Variants in IL1RAPL2 observed in about 807,000 individuals in gnomAD.
The protein encoded by IL1RAPL2 is X-linked interleukin-1 receptor accessory protein-like 2.
A neutral mutation model predicts 44.1 loss-of-function variants in IL1RAPL2; 3 were observed. The ratio of observed to expected loss-of-function variants is 0.07; its 90% confidence interval spans 0.03 to 0.18. IL1RAPL2 has a LOEUF of 0.18. Among genes scored for constraint, IL1RAPL2 ranks in the 10% least tolerant of loss-of-function variants. The probability of loss-of-function intolerance (pLI) is 1.00; values close to 1 mark genes in which losing one functional copy is unlikely to be tolerated. For missense variants in IL1RAPL2, 391 were observed against 496.4 expected (o/e 0.79, Z 2.02); for synonymous variants, 181 against 178.8 (o/e 1.01, Z -0.10).
At chrX:105,434,951 C>T (rs1006629545) in intron 5 of IL1RAPL2, among the ~76,000 whole-genome samples, 3 of 111,635 alleles carry the variant, frequency 2.7e-5, no homozygotes, top group African/African-American at 9.8e-5. Context: ...TTTCCCAGCA[C>T]CATTTATTAA....
At chrX:104,600,567 G>T (rs886255157) in intron 1 of IL1RAPL2, among the ~76,000 whole-genome samples, 4 of 106,329 alleles carry the variant, frequency 3.8e-5, no homozygotes, top group Non-Finnish European at 7.7e-5. Context: ...GTGCAGATTT[G>T]TTACATGAGT....
intron 5 of IL1RAPL2, among the ~76,000 whole-genome samples, chrX:105,376,586 T>C (rs758694914): frequency 9.0e-6 from 1 of 111,676 alleles, no homozygotes; most frequent in Non-Finnish European, 1.9e-5. Context: ...CTTAGACTCT[T>C]TTTTTATTTT....
intron 5 of IL1RAPL2, among the ~76,000 whole-genome samples, chrX:105,362,534 G>C (rs1445770571): frequency 9.1e-6 from 1 of 110,458 alleles, no homozygotes; most frequent in Non-Finnish European, 1.9e-5. Context: ...GCCCCCCAAA[G>C]ACTACAGGTT....
At chrX:105,656,427 A>AT (rs1336323302) in intron 6 of IL1RAPL2, among the ~76,000 whole-genome samples, 9 of 110,060 alleles carry the variant, frequency 8.2e-5, no homozygotes, top group African/African-American at 2.0e-4. Flanking sequence ...CTGTTTGGTT[A>AT]TTTTTTTTTA....
chrX:105,354,681 G>A (rs1028284599), intron 5 of IL1RAPL2, among the ~76,000 whole-genome samples: 3 of 111,023 alleles, frequency 2.7e-5, no homozygotes, highest in African/African-American at 9.8e-5. Context: ...ATTCTAAACA[G>A]TCATGATCAT....
chrX:104,938,967 A>C (rs1353636456), intron 2 of IL1RAPL2, among the ~76,000 whole-genome samples: 1 of 110,428 alleles, frequency 9.1e-6, no homozygotes, highest in Non-Finnish European at 1.9e-5. Flanking sequence ...CTTGTACAAC[A>C]CTCCACAAGA....
intron 2 of IL1RAPL2, among the ~76,000 whole-genome samples, chrX:105,024,936 T>C (rs1467938631): frequency 1.8e-5 from 2 of 110,503 alleles, no homozygotes; most frequent in Non-Finnish European, 3.8e-5. Context: ...TTTTTTTTTT[T>C]TGGATAGAAA....
intron 6 of IL1RAPL2, among the ~76,000 whole-genome samples, chrX:105,673,001 C>T (rs928305458): frequency 9.0e-6 from 1 of 111,012 alleles, no homozygotes; most frequent in Non-Finnish European, 1.9e-5. Context: ...TGTGTCATCC[C>T]TTGTGTCCTG....
chrX:105,767,701 G>C lies in IL1RAPL2; in HGVS notation c.*40G>C. 1.0e-6 allele frequency: 1 copy of C among 968,769 alleles called. No homozygotes were observed. The highest frequency in any genetic ancestry group is 1.5e-6 in the Non-Finnish European group (1 of 687,079). 79.8% of individuals were successfully genotyped at this position (968,769 alleles called of 1,213,427 possible). A position where few individuals can be genotyped will look rare whatever the true frequency, so the allele number is the denominator to read the frequency against. ...TCCTCTGAACAGCTAGATAAGCATA[G>C]AGAATTTCTGTTATACCAAGCATAA... On this transcript the variant is annotated 3_prime_UTR_variant, in exon 11 of 11. Coordinates refer to ENST00000372582, the MANE Select transcript of IL1RAPL2 (RefSeq NM_017416.2).
Position 104,660,947 on chromosome X carries a change from T to TAC in IL1RAPL2, c.82+1970_82+1971dup, listed in dbSNP as rs773390188. Among the ~76,000 whole-genome samples the TAC allele has an allele frequency of 5.6e-3, 520 of 92,304 alleles. 3 individuals carry two copies. The highest frequency in any genetic ancestry group is 0.019 in the East Asian group (58 of 3,094). The allele number at this position is 92,304 out of a possible 115,157, so 80.2% of individuals were successfully genotyped here. On this transcript the variant is annotated intron_variant, in intron 2 of 10. Transcript: ENST00000372582. ...GACCCTGTCTATATATATATATATA[T>TAC]ACACACACACACACACACATACACA...
At chrX:104,879,084 G>C (rs1922988097) in intron 2 of IL1RAPL2, among the ~76,000 whole-genome samples, 2 of 110,453 alleles carry the variant, frequency 1.8e-5, no homozygotes, top group Non-Finnish European at 3.8e-5. Context: ...CATAGGGAAA[G>C]AATCGGATTC....
intron 2 of IL1RAPL2, among the ~76,000 whole-genome samples, chrX:105,159,742 A>G (rs1298632278): frequency 9.0e-6 from 1 of 111,586 alleles, no homozygotes; most frequent in African/African-American, 3.3e-5. Flanking sequence ...CCTTCTCTTC[A>G]CTCCACATAG....
chrX:105,712,801 G>A (rs906460042), intron 6 of IL1RAPL2, among the ~76,000 whole-genome samples: 6 of 111,743 alleles, frequency 5.4e-5, no homozygotes, highest in East Asian at 2.8e-4. Context: ...AGGCAACTCC[G>A]TTCCACCTAT....
chrX:104,671,027 A>T (rs1930589300), intron 2 of IL1RAPL2, among the ~76,000 whole-genome samples: 1 of 111,630 alleles, frequency 9.0e-6, no homozygotes, highest in Non-Finnish European at 1.9e-5. Flanking sequence ...TATATGGCAT[A>T]CAAGACCCTT....
intron 2 of IL1RAPL2, among the ~76,000 whole-genome samples, chrX:104,778,838 A>C (rs907601060): frequency 9.1e-6 from 1 of 110,432 alleles, no homozygotes; most frequent in African/African-American, 3.3e-5. Flanking sequence ...CCTAAAAATC[A>C]CTTCCTTATC....
chrX:105,161,218 A>AAATAATAATAATAATAATAATAATAAT (rs34426902), intron 2 of IL1RAPL2, among the ~76,000 whole-genome samples: 1 of 101,033 alleles, frequency 9.9e-6, no homozygotes, highest in Non-Finnish European at 2.0e-5. Context: ...ACCCTGTCTC[A>AAATAATAATAATAATAATAATAATAAT]AATAATAATA....
chrX:105,662,883 A>G (rs2147848240), intron 6 of IL1RAPL2, among the ~76,000 whole-genome samples: 1 of 112,441 alleles, frequency 8.9e-6, no homozygotes, highest in East Asian at 2.8e-4. Context: ...TAAGCCATAC[A>G]CAAATATCTG....
Position 105,388,356 on chromosome X carries a change from ATT to A in IL1RAPL2, c.698-95929_698-95928del, listed in dbSNP as rs772573698. ...CAAACCAAATATTTTACCAAAGCAG[ATT>A]TTTTTTTTTTTTTTTTTTTTTTTTT... is the stretch of plus-strand genomic sequence containing the variant. On this transcript the variant is annotated intron_variant, in intron 5 of 10. Transcript: ENST00000372582. Among the ~76,000 whole-genome samples, 456 of 61,223 alleles carry A rather than the reference ATT, an allele frequency of 7.4e-3. 3 individuals are homozygous for A. The highest frequency in any genetic ancestry group is 0.044 in the African/African-American group (430 of 9,667). The allele number at this position is 61,223 out of a possible 115,157, so 53.2% of individuals were successfully genotyped here.
intron 3 of IL1RAPL2, chrX:105,220,341 G>T: frequency 8.3e-7 from 1 of 1,206,532 alleles, no homozygotes; most frequent in Admixed American, 2.2e-5. Flanking sequence ...CGTTGATGAA[G>T]GCCACCACGT....
Sources: gnomAD v4.1 joint callset for allele counts (sites outside exome capture counted in the v4.1 genomes callset) on GRCh38, gnomAD v4.1.1 for gene constraint, MANE v1.5 for transcripts, NCBI Gene and HGNC (gene_info 2026-07-23, HGNC 2026-07-21) for gene names.